Variants in IQUB observed in about 807,000 individuals in gnomAD.
IQUB encodes IQ motif and ubiquitin-like domain-containing protein.
A neutral mutation model predicts 86.4 loss-of-function variants in IQUB; 86 were observed. The ratio of observed to expected loss-of-function variants is 1.00; its 90% CI spans 0.84 to 1.19. IQUB has a LOEUF of 1.19. Ranked by LOEUF, IQUB falls within the 50% of genes most tolerant of loss-of-function variation. The pLI, the probability that IQUB is intolerant of heterozygous loss-of-function variation, is 0.00. For missense variants in IQUB, 946 were observed against 916.9 expected (o/e 1.03, Z -0.41); for synonymous variants, 289 against 304.5 (o/e 0.95, Z 0.53).
chr7:123,526,481 T>C (rs192231452), intron 1 of IQUB, among the ~76,000 whole-genome samples: 3 of 152,308 alleles, frequency 2.0e-5, no homozygotes, highest in Admixed American at 6.5e-5. Flanking sequence ...TTGATCTTTG[T>C]TGGTTTAAGG....
intron 1 of IQUB, among the ~76,000 whole-genome samples, chr7:123,520,065 A>G (rs1584645868): frequency 1.3e-5 from 2 of 152,084 alleles, no homozygotes; most frequent in East Asian, 3.9e-4. Context: ...ACACACAGCC[A>G]TGGACAAGGC....
chr7:123,453,462 A>C (rs1378935747), intron 12 of IQUB, among the ~76,000 whole-genome samples: 2 of 150,582 alleles, frequency 1.3e-5, no homozygotes, highest in Non-Finnish European at 3.0e-5. Flanking sequence ...TATATAATTG[A>C]ATAAAGCCTT....
At chr7:123,523,131 C>A (rs1371344851) in intron 1 of IQUB, among the ~76,000 whole-genome samples, 2 of 151,744 alleles carry the variant, frequency 1.3e-5, no homozygotes, top group Non-Finnish European at 2.9e-5. Context: ...GGTTCCAGGT[C>A]TTTGCTATTG....
intron 10 of IQUB, among the ~76,000 whole-genome samples, chr7:123,463,014 A>G (rs1794073374): frequency 6.6e-6 from 1 of 151,718 alleles, no homozygotes; most frequent in South Asian, 2.1e-4. Flanking sequence ...AAATGTGCAA[A>G]TGAGCCATTC....
chr7:123,524,019 T>A (rs1351829671), intron 1 of IQUB, among the ~76,000 whole-genome samples: 19 of 150,288 alleles, frequency 1.3e-4, no homozygotes, highest in African/African-American at 2.7e-4. Context: ...GTTGTAGATA[T>A]GCGGCATTAT....
intron 1 of IQUB, among the ~76,000 whole-genome samples, chr7:123,521,651 A>AACACACACACACACACACAC (rs150359350): frequency 7.6e-5 from 11 of 144,310 alleles, no homozygotes; most frequent in African/African-American, 2.3e-4. Flanking sequence ...TGTCTAAATA[A>AACACACACACACACACACAC]ACACACACAC....
At chr7:123,505,795 T>C (rs1399004990) in intron 3 of IQUB, among the ~76,000 whole-genome samples, 1 of 152,246 alleles carries the variant, frequency 6.6e-6, no homozygotes, top group Non-Finnish European at 1.5e-5. Flanking sequence ...GGCTCCTTTT[T>C]ATTATATAAA....
intron 1 of IQUB, among the ~76,000 whole-genome samples, chr7:123,533,484 T>C (rs941220506): frequency 6.6e-6 from 1 of 152,226 alleles, no homozygotes; most frequent in Non-Finnish European, 1.5e-5. Flanking sequence ...GTTGTTTTTC[T>C]CTTACTATAT....
intron 8 of IQUB, among the ~76,000 whole-genome samples, 156 bp from the exon 9 acceptor site, chr7:123,469,540 G>A (rs1794433811): frequency 6.6e-6 from 1 of 151,934 alleles, no homozygotes; most frequent in South Asian, 2.1e-4. Flanking sequence ...TGCAGATCAG[G>A]CAAAAGTAAA....
intron 12 of IQUB, among the ~76,000 whole-genome samples, chr7:123,454,113 T>C (rs1284994868): frequency 6.6e-6 from 1 of 152,080 alleles, no homozygotes; most frequent in African/African-American, 2.4e-5. Flanking sequence ...CTTATTAAAA[T>C]TTCCTCTTAA....
At chr7:123,471,520 G>T (rs1794521655) in intron 8 of IQUB, among the ~76,000 whole-genome samples, 1 of 152,112 alleles carries the variant, frequency 6.6e-6, no homozygotes, top group Admixed American at 6.6e-5. Flanking sequence ...TGATCTGCAT[G>T]GTGGTAAATT....
intron 7 of IQUB, among the ~76,000 whole-genome samples, chr7:123,484,321 C>T (rs896177611): frequency 6.6e-6 from 1 of 151,974 alleles, no homozygotes; most frequent in African/African-American, 2.4e-5. Context: ...GATAACTTTA[C>T]CAACCAAAAG....
chr7:123,478,822 G>A (rs1379973570), intron 8 of IQUB, among the ~76,000 whole-genome samples: 1 of 152,092 alleles, frequency 6.6e-6, no homozygotes, highest in African/African-American at 2.4e-5. Context: ...GAGGGGGCAA[G>A]GGATGGTAAG....
intron 3 of IQUB, among the ~76,000 whole-genome samples, chr7:123,505,087 T>C (rs1376250679): frequency 6.6e-6 from 1 of 152,176 alleles, no homozygotes; most frequent in African/African-American, 2.4e-5. Flanking sequence ...AGTTATTGAA[T>C]CTTAAAGCTT....
At chr7:123,506,079 C>G (rs894301140) in intron 3 of IQUB, among the ~76,000 whole-genome samples, 1 of 152,208 alleles carries the variant, frequency 6.6e-6, no homozygotes, top group African/African-American at 2.4e-5. Flanking sequence ...AGCAAGGACA[C>G]AGTGCTGCCG....
intron 8 of IQUB, among the ~76,000 whole-genome samples, chr7:123,478,958 A>G (rs1407821845): frequency 6.6e-6 from 1 of 152,128 alleles, no homozygotes; most frequent in Non-Finnish European, 1.5e-5. Context: ...ATGGAACTAT[A>G]GGGAGTTCTG....
intron 1 of IQUB, 87 bp downstream of exon 1, chr7:123,534,405 A>G (rs145109425): frequency 1.8e-4 from 28 of 152,598 alleles, no homozygotes; most frequent in African/African-American, 6.5e-4. Flanking sequence ...CAGCACACAG[A>G]ACCCAGAGTC....
chr7:123,459,410 G>A (rs549238152), intron 11 of IQUB, among the ~76,000 whole-genome samples: 1 of 152,012 alleles, frequency 6.6e-6, no homozygotes, highest in African/African-American at 2.4e-5. Context: ...AATGTGAGTG[G>A]GCTTTATCCA....
rs149880287 is a variant in IQUB, at chr7:123,489,323, T to A, written c.1234+7373A>T. Among the ~76,000 whole-genome samples the A allele has an allele frequency of 1.9e-3, 288 of 152,260 alleles. 2 individuals carry two copies. The highest frequency in any genetic ancestry group is 6.6e-3 in the African/African-American group (275 of 41,576). ...ACTCATACTCCCTGGAATAGAATAA[T>A]TGGAACTCTGTGAAGTGATGTGCAG... is the stretch of plus-strand genomic sequence containing the variant. On this transcript the variant is annotated intron_variant, in intron 7 of 12. Coordinates refer to ENST00000324698, the MANE Select transcript of IQUB (RefSeq NM_178827.5).
Sources: gnomAD v4.1 joint callset for allele counts (sites outside exome capture counted in the v4.1 genomes callset) on GRCh38, gnomAD v4.1.1 for gene constraint, MANE v1.5 for transcripts, NCBI Gene and HGNC (gene_info 2026-07-23, HGNC 2026-07-21) for gene names.